Variants in COL4A3 observed in about 807,000 individuals in gnomAD.
COL4A3 encodes the protein collagen type IV alpha 3 chain.
A neutral mutation model predicts 217.4 loss-of-function variants in COL4A3; 135 were observed. That is an observed-to-expected ratio of 0.62 (90% CI 0.54 to 0.72). The LOEUF (loss-of-function observed/expected upper bound fraction) is 0.72, where lower values mean the gene tolerates loss of function less well. Among genes scored for constraint, COL4A3 ranks in the 30% least tolerant of loss-of-function variants. The probability of loss-of-function intolerance (pLI) is 0.00; values close to 1 mark genes in which losing one functional copy is unlikely to be tolerated. For synonymous variants in COL4A3, 690 were observed against 736.3 expected (o/e 0.94, Z 1.02); for missense variants, 1,868 against 2,119.9 (o/e 0.88, Z 2.33).
chr2:227,192,934 T>C (rs981187034), intron 1 of COL4A3, among the ~76,000 whole-genome samples: 17 of 152,194 alleles, frequency 1.1e-4, no homozygotes, highest in Non-Finnish European at 2.1e-4. Flanking sequence ...TTAAAAGATA[T>C]AAAATATAAG....
At chr2:227,297,616 G>T in intron 41 of COL4A3, 58 bp from the exon 42 acceptor site, 1 of 1,519,602 alleles carries the variant, frequency 6.6e-7, no homozygotes, top group Non-Finnish European at 9.0e-7. Context: ...AGATAGTCAA[G>T]AACTCTAACC....
chr2:227,247,017 G>A (rs925191596), intron 7 of COL4A3, among the ~76,000 whole-genome samples: 6 of 152,202 alleles, frequency 3.9e-5, no homozygotes, highest in Admixed American at 1.3e-4. Context: ...GTGACTCAAG[G>A]AGTCAGAGTG....
At position 227,245,930 on chromosome 2, in the gene COL4A3, C is replaced by G. The variant is rs772238189; in HGVS notation, c.325-24C>G. 1.3e-5 allele frequency: 21 copies of G among 1,603,560 alleles called. No individual in the cohort carries two copies. The African/African-American group carries it at 1.9e-4, about 14-fold the overall frequency. Reference sequence around the variant, plus strand: ...TGCTGTTTCTTGGGATGACCCTCCTCATTGAGACTTGTTCTTCTTCCAGGG... The same window carrying G: ...TGCTGTTTCTTGGGATGACCCTCCTGATTGAGACTTGTTCTTCTTCCAGGG... On this transcript the variant is annotated intron_variant, in intron 5 of 51. Transcript: ENST00000396578.
chr2:227,260,935 T>G, intron 19 of COL4A3, 147 bp from the exon 20 acceptor site: 2 of 664,518 alleles, frequency 3.0e-6, no homozygotes, highest in Non-Finnish European at 5.4e-6. Flanking sequence ...AAGTGAAAAT[T>G]TCTGATATTT....
intron 34 of COL4A3, 33 bp downstream of exon 34, chr2:227,284,378 A>C (rs2072190059): frequency 6.2e-7 from 1 of 1,602,614 alleles, no homozygotes; most frequent in Non-Finnish European, 8.5e-7. Context: ...TCAGGACATC[A>C]GAGCTGATTC....
chr2:227,176,521 G>A (rs1352318493), intron 1 of COL4A3, among the ~76,000 whole-genome samples: 4 of 152,152 alleles, frequency 2.6e-5, no homozygotes. Flanking sequence ...GTAGTTTTAG[G>A]GTAAGTTAGG....
intron 1 of COL4A3, among the ~76,000 whole-genome samples, chr2:227,234,787 T>C (rs1488185752): frequency 6.6e-6 from 1 of 152,168 alleles, no homozygotes; most frequent in Non-Finnish European, 1.5e-5. Flanking sequence ...TCCAGTAGCA[T>C]ATGGTGAATG....
At chr2:227,212,677 G>A (rs1362164425) in intron 1 of COL4A3, among the ~76,000 whole-genome samples, 4 of 152,144 alleles carry the variant, frequency 2.6e-5, no homozygotes, top group African/African-American at 9.7e-5. Context: ...TATAAGTGTT[G>A]GAATCTAGAA....
chr2:227,185,559 T>C (rs2066004257), intron 1 of COL4A3, among the ~76,000 whole-genome samples: 1 of 152,226 alleles, frequency 6.6e-6, no homozygotes, highest in South Asian at 2.1e-4. Flanking sequence ...TCTTCATATA[T>C]AAAGAGAATA....
chr2:227,211,160 A>G (rs13427303), intron 1 of COL4A3, among the ~76,000 whole-genome samples: 1 of 151,608 alleles, frequency 6.6e-6, no homozygotes, highest in Non-Finnish European at 1.5e-5. Flanking sequence ...GCCACCACAC[A>G]CTTCTATTTT....
rs757341933 is a variant in COL4A3, at chr2:227,266,473, G to A, written c.1372G>A (p.Gly458Arg). The A allele has an allele frequency of 6.2e-7, 1 of 1,613,934 alleles. No individual in the cohort carries two copies. Among genetic ancestry groups the A allele is most frequent in the Non-Finnish European group, 8.5e-7 (1 of 1,179,992 alleles). Residue 458 changes from glycine (G) to arginine (R), a missense_variant, in exon 22 of 52, where the codon GGG (glycine) becomes AGG (arginine). Physicochemically the swap from Gly to Arg is moderately radical, Grantham distance 125 (BLOSUM62 -2). This residue lies in a region of COL4A3 where 1,503 missense variants were observed against 1,786.1 expected (regional missense o/e 0.84). Transcript: ENST00000396578. ...PGDHGLPGYL[G>R]SPGIPGVDGP... ...AGATCACGGACTGCCAGGCTATCTA[G>A]GGTCTCCAGGAATCCCAGGAGTTGA...
At chr2:227,174,377 G>A (rs2065598985) in intron 1 of COL4A3, among the ~76,000 whole-genome samples, 1 of 152,148 alleles carries the variant, frequency 6.6e-6, no homozygotes, top group Non-Finnish European at 1.5e-5. Flanking sequence ...CATTGGCCAA[G>A]TAAATTCCAA....
intron 1 of COL4A3, among the ~76,000 whole-genome samples, chr2:227,234,658 G>GA (rs980201933): frequency 1.1e-4 from 17 of 152,138 alleles, no homozygotes; most frequent in African/African-American, 3.9e-4. Flanking sequence ...ACAGTCATCA[G>GA]AAAAAAATAG....
chr2:227,164,889 A>C lies in COL4A3; in HGVS notation c.87+76A>C. 1.4e-6 allele frequency: 2 copies of C among 1,385,890 alleles called. No homozygotes were observed. The highest frequency in any genetic ancestry group is 1.5e-5 in the African/African-American group (1 of 65,160). The allele number at this position is 1,385,890 out of a possible 1,614,324, so 85.8% of individuals were successfully genotyped here. On this transcript the variant is annotated intron_variant, in intron 1 of 51. Coordinates refer to ENST00000396578, the MANE Select transcript of COL4A3 (RefSeq NM_000091.5). The surrounding 1 kb of genome is among the most constrained non-coding windows in gnomAD (Gnocchi z 4.8). The stretch of plus-strand genomic sequence containing the variant: ...CGCGTCCGGGGGACGCGCTGGCCCC[A>C]CCCGCAGCGGCGCGGTAGTGGAGCG...
intron 1 of COL4A3, among the ~76,000 whole-genome samples, chr2:227,201,261 T>C (rs1335243938): frequency 6.6e-6 from 1 of 152,078 alleles, no homozygotes; most frequent in Non-Finnish European, 1.5e-5. Flanking sequence ...AGTTCATGAA[T>C]AGTTTTGAAA....
chr2:227,254,985 T>C (rs575827800), intron 15 of COL4A3, among the ~76,000 whole-genome samples: 1 of 152,280 alleles, frequency 6.6e-6, no homozygotes, highest in Admixed American at 6.5e-5. Context: ...CATTCTCTCC[T>C]CTGGCAGATG....
At chr2:227,222,372 C>G (rs1186174735) in intron 1 of COL4A3, 1 of 151,988 alleles carries the variant, frequency 6.6e-6, no homozygotes, top group African/African-American at 2.4e-5. Context: ...GTTCTCAGGT[C>G]AACACCCACC....
chr2:227,200,309 G>A (rs1487316130), intron 1 of COL4A3, among the ~76,000 whole-genome samples: 1 of 152,076 alleles, frequency 6.6e-6, no homozygotes, highest in Non-Finnish European at 1.5e-5. Flanking sequence ...TATTCACAAA[G>A]TTTTTCCTGG....
intron 1 of COL4A3, among the ~76,000 whole-genome samples, chr2:227,231,747 G>C (rs2068417655): frequency 6.6e-6 from 1 of 152,156 alleles, no homozygotes; most frequent in African/African-American, 2.4e-5. Flanking sequence ...ACCCAGGCTG[G>C]TCTCGAACTC....
Sources: allele counts gnomAD v4.1 joint callset (sites outside exome capture counted in the v4.1 genomes callset), GRCh38; gene constraint gnomAD v4.1.1; regional missense constraint gnomAD v4.1.1; non-coding constraint Gnocchi (gnomAD v3.1); transcripts MANE v1.5; gene names NCBI Gene and HGNC (gene_info 2026-07-23, HGNC 2026-07-21).